SUCLG2: variants seen among roughly 807,000 people sequenced by gnomAD.
The protein encoded by SUCLG2 is succinate-CoA ligase GDP-forming subunit beta.
Under a neutral mutation model 47.9 loss-of-function variants are expected in SUCLG2, and 42 were observed. That is an observed-to-expected ratio of 0.88 (90% CI 0.69 to 1.14). The LOEUF (loss-of-function observed/expected upper bound fraction) is 1.14. Among genes scored for constraint, SUCLG2 ranks in the 50% most tolerant of loss-of-function variants. SUCLG2 has a pLI of 0.00. For synonymous variants in SUCLG2, 195 were observed against 197.3 expected (o/e 0.99, Z 0.10); for missense variants, 571 against 525.9 (o/e 1.09, Z -0.84).
At chr3:67,533,363 A>G (rs1490779975) in intron 2 of SUCLG2, among the ~76,000 whole-genome samples, 3 of 152,188 alleles carry the variant, frequency 2.0e-5, no homozygotes, top group Non-Finnish European at 4.4e-5. Context: ...TTTGGAGTCA[A>G]TAATATTGGA....
intron 9 of SUCLG2, among the ~76,000 whole-genome samples, chr3:67,411,641 A>G (rs1575678328): frequency 6.6e-6 from 1 of 152,332 alleles, no homozygotes; most frequent in Non-Finnish European, 1.5e-5. Flanking sequence ...AAATCTCACT[A>G]GTATATTTGT....
At chr3:67,587,752 T>A (rs1337430237) in intron 2 of SUCLG2, among the ~76,000 whole-genome samples, 4 of 152,208 alleles carry the variant, frequency 2.6e-5, no homozygotes, top group Admixed American at 1.3e-4. Flanking sequence ...GTCAAATGTG[T>A]CACCAAAGCC....
In SUCLG2 at chr3:67,375,319, T is replaced by G; in HGVS notation, c.*425A>C. ...TGTAATCTTATGCCTTTTTAGTAATTAATATATTAAATATAATCTTGTCTG... is the reference window on the plus strand; with the variant it reads ...TGTAATCTTATGCCTTTTTAGTAATGAATATATTAAATATAATCTTGTCTG... On this transcript the variant is annotated 3_prime_UTR_variant, in exon 11 of 11. Transcript: ENST00000307227. The G allele has an allele frequency of 1.0e-6, 1 of 977,354 alleles. No individual in the cohort carries two copies. 60.5% of individuals were successfully genotyped at this position (977,354 alleles called of 1,614,324 possible). A position where few individuals can be genotyped will look rare whatever the true frequency, so the allele number is the denominator to read the frequency against.
rs533695047 is a variant in SUCLG2 at position 67,532,794 on chromosome 3, T to C, written c.227-3608A>G. ...GATTTAAAAAGTCTAAGCAAAACCT[T>C]ACTCTGTGGTCTTTTTTTAGTCTAT... is the stretch of plus-strand genomic sequence containing the variant. On this transcript the variant is annotated intron_variant, in intron 2 of 10. Coordinates refer to ENST00000307227, the MANE Select transcript of SUCLG2 (RefSeq NM_003848.4). Among the ~76,000 whole-genome samples, 113 of 152,330 alleles carry C rather than the reference T, an allele frequency of 7.4e-4. 1 individual carries two copies. Among genetic ancestry groups the C allele is most frequent in the South Asian group, 4.8e-3 (23 of 4,824 alleles).
intron 9 of SUCLG2, among the ~76,000 whole-genome samples, chr3:67,436,798 T>C (rs1269525890): frequency 6.6e-6 from 1 of 152,258 alleles, no homozygotes; most frequent in Non-Finnish European, 1.5e-5. Flanking sequence ...ATACAAATTA[T>C]ACATTTTTGT....
At chr3:67,474,013 T>G (rs2106994068) in intron 9 of SUCLG2, among the ~76,000 whole-genome samples, 1 of 152,224 alleles carries the variant, frequency 6.6e-6, no homozygotes, top group African/African-American at 2.4e-5. Flanking sequence ...ATCCCAGCAC[T>G]TTGGGAGGCC....
chr3:67,612,475 T>C (rs1700547159), intron 1 of SUCLG2, among the ~76,000 whole-genome samples: 1 of 152,160 alleles, frequency 6.6e-6, no homozygotes, highest in South Asian at 2.1e-4. Flanking sequence ...TGGTAGAAAG[T>C]ACGCTGGAAA....
intron 9 of SUCLG2, among the ~76,000 whole-genome samples, chr3:67,489,673 G>T (rs555226141): frequency 6.6e-6 from 1 of 152,188 alleles, no homozygotes. Flanking sequence ...TCCCTACAAA[G>T]AAAACAGTCG....
At chr3:67,385,231 T>C (rs1702236110) in intron 10 of SUCLG2, among the ~76,000 whole-genome samples, 1 of 152,186 alleles carries the variant, frequency 6.6e-6, no homozygotes, top group African/African-American at 2.4e-5. Flanking sequence ...TGCCCAGTTT[T>C]AAAACCTCTC....
chr3:67,510,983 C>T (rs778107010), intron 6 of SUCLG2, among the ~76,000 whole-genome samples: 16 of 151,336 alleles, frequency 1.1e-4, no homozygotes, highest in Non-Finnish European at 1.6e-4. Context: ...CTCCACCTGC[C>T]GGGTTCAAGC....
chr3:67,603,063 A>T (rs539128658), intron 2 of SUCLG2, among the ~76,000 whole-genome samples: 3 of 152,136 alleles, frequency 2.0e-5, no homozygotes, highest in Non-Finnish European at 2.9e-5. Flanking sequence ...TACCGCTTCA[A>T]CCTCTCATGG....
At chr3:67,443,849 G>A (rs1238825351) in intron 9 of SUCLG2, among the ~76,000 whole-genome samples, 9 of 81,240 alleles carry the variant, frequency 1.1e-4, no homozygotes, top group Non-Finnish European at 1.8e-4. Flanking sequence ...GAGCCCCTCC[G>A]CCCGGCAGCT....
At chr3:67,543,155 A>T (rs1706762782) in intron 2 of SUCLG2, among the ~76,000 whole-genome samples, 1 of 152,250 alleles carries the variant, frequency 6.6e-6, no homozygotes. Context: ...CTCAGGAGTA[A>T]GAAACTCACT....
intron 10 of SUCLG2, among the ~76,000 whole-genome samples, chr3:67,393,286 A>G (rs569106235): frequency 6.6e-6 from 1 of 152,230 alleles, no homozygotes; most frequent in African/African-American, 2.4e-5. Context: ...GGGGTGACAG[A>G]TGGCACCTGG....
chr3:67,544,501 T>C (rs890719393), intron 2 of SUCLG2, among the ~76,000 whole-genome samples: 4 of 152,286 alleles, frequency 2.6e-5, no homozygotes, highest in East Asian at 3.9e-4. Flanking sequence ...CCTTCCACCA[T>C]GATTGTAAGT....
At chr3:67,623,241 C>G (rs1700765349) in intron 1 of SUCLG2, among the ~76,000 whole-genome samples, 1 of 152,162 alleles carries the variant, frequency 6.6e-6, no homozygotes, top group African/African-American at 2.4e-5. Context: ...TGGCTCACGC[C>G]TGTAATCCCA....
At chr3:67,624,076 A>G (rs566894102) in intron 1 of SUCLG2, among the ~76,000 whole-genome samples, 49 of 152,268 alleles carry the variant, frequency 3.2e-4, no homozygotes, top group Admixed American at 2.5e-3. Flanking sequence ...TATTCAATCA[A>G]CCCACTCCTG....
intron 2 of SUCLG2, among the ~76,000 whole-genome samples, chr3:67,603,562 C>G (rs1270431365): frequency 1.3e-5 from 2 of 152,074 alleles, no homozygotes; most frequent in African/African-American, 4.8e-5. Flanking sequence ...TGTCATTAGG[C>G]CAGAGAAGAT....
chr3:67,593,599 A>G (rs1291759489), intron 2 of SUCLG2, among the ~76,000 whole-genome samples: 1 of 152,202 alleles, frequency 6.6e-6, no homozygotes, highest in East Asian at 1.9e-4. Context: ...TTGGAAGACC[A>G]TAATGACAGC....
Sources: gnomAD v4.1 joint callset for allele counts (sites outside exome capture counted in the v4.1 genomes callset) on GRCh38, gnomAD v4.1.1 for gene constraint, MANE v1.5 for transcripts, NCBI Gene and HGNC (gene_info 2026-07-23, HGNC 2026-07-21) for gene names.